PCDH15: variants seen among roughly 807,000 people sequenced by gnomAD.
PCDH15 encodes protocadherin related 15, also known as protocadherin-15.
In PCDH15, 129 loss-of-function variants were observed where a neutral mutation model predicts 178.5. The ratio of observed to expected loss-of-function variants is 0.72; its 90% confidence interval spans 0.63 to 0.84. The LOEUF (loss-of-function observed/expected upper bound fraction) is 0.84, where lower values mean the gene tolerates loss of function less well. PCDH15 is among the 40% of genes least tolerant of loss of function. PCDH15 has a pLI of 0.00. For synonymous variants in PCDH15, 800 were observed against 732.0 expected (o/e 1.09, Z -1.50); for missense variants, 2,230 against 2,099.9 (o/e 1.06, Z -1.21).
chr10:54,861,197 G>A (rs1465054348), intron 3 of PCDH15, among the ~76,000 whole-genome samples: 1 of 151,956 alleles, frequency 6.6e-6, no homozygotes, highest in Admixed American at 6.6e-5. Context: ...CAGAATCAAA[G>A]TAAAGGCAGA....
At chr10:55,564,292 T>C (rs1043881406) in intron 2 of PCDH15, among the ~76,000 whole-genome samples, 3 of 132,808 alleles carry the variant, frequency 2.3e-5, no homozygotes, top group African/African-American at 5.1e-5. Flanking sequence ...TTGTATATTA[T>C]TGAGCTTTTG....
At position 55,128,414 on chromosome 10, in the gene PCDH15, G is replaced by A. The variant is rs1217849190; in HGVS notation, c.-80+38162C>T. On this transcript the variant is annotated intron_variant, in intron 2 of 5. Transcript: ENST00000458638. ...CATAATTAACAGCAGAGTTAACTGA[G>A]ACCTATATGTACTTAATTCTTAGGC... Among the ~76,000 whole-genome samples, 29 of 151,952 alleles carry A rather than the reference G, an allele frequency of 1.9e-4. 1 individual carries two copies. The highest frequency in any genetic ancestry group is 1.9e-3 in the Admixed American group (29 of 15,238).
chr10:54,583,125 A>G (rs986946708), intron 2 of PCDH15, among the ~76,000 whole-genome samples: 3 of 152,060 alleles, frequency 2.0e-5, no homozygotes, highest in Admixed American at 2.0e-4. Flanking sequence ...TAGTTGATAG[A>G]CAGACTATAA....
rs911397795 is a variant in PCDH15, at chr10:54,718,256, TATA to T, written c.-28-53969_-28-53967del. On this transcript the variant is annotated intron_variant, in intron 1 of 37. Coordinates refer to ENST00000644397, the MANE Select transcript of PCDH15 (RefSeq NM_001384140.1). Reference sequence around the variant, plus strand: ...TGCACATGTACCCTAAAACTTGAAGTATAATAATAATAATAATAAAAAGAAAAT... The same window carrying T: ...TGCACATGTACCCTAAAACTTGAAGTATAATAATAATAATAAAAAGAAAAT... 1.3e-4 allele frequency among the ~76,000 whole-genome samples: 20 copies of T among 148,264 alleles called. No homozygotes were observed. The East Asian group carries it at 2.5e-3, about 19-fold the overall frequency.
At chr10:54,674,594 A>G (rs185575652) in intron 1 of PCDH15, among the ~76,000 whole-genome samples, 2 of 152,250 alleles carry the variant, frequency 1.3e-5, no homozygotes, top group East Asian at 1.9e-4. Context: ...GAAATGATCA[A>G]CCTTCTCAAC....
chr10:54,338,070 A>G (rs1941536548), intron 6 of PCDH15, among the ~76,000 whole-genome samples: 1 of 152,238 alleles, frequency 6.6e-6, no homozygotes, highest in Non-Finnish European at 1.5e-5. Context: ...ATGATGCATT[A>G]TGATTACAAT....
chr10:54,309,429 T>C (rs996649264), intron 8 of PCDH15, among the ~76,000 whole-genome samples: 90 of 151,974 alleles, frequency 5.9e-4, no homozygotes, highest in African/African-American at 2.0e-3. Flanking sequence ...TTATTCATAT[T>C]TATATTCAAT....
At chr10:55,564,704 G>C (rs996452235) in intron 2 of PCDH15, among the ~76,000 whole-genome samples, 1 of 151,440 alleles carries the variant, frequency 6.6e-6, no homozygotes, top group African/African-American at 2.4e-5. Flanking sequence ...AGAGTACTGG[G>C]GTGGTTATAT....
At chr10:55,627,134 C>T (rs912294906) in intron 2 of PCDH15, among the ~76,000 whole-genome samples, 1 of 151,102 alleles carries the variant, frequency 6.6e-6, no homozygotes, top group African/African-American at 2.4e-5. Flanking sequence ...AGGATGTAAC[C>T]CCCCACCCCC....
intron 3 of PCDH15, among the ~76,000 whole-genome samples, chr10:54,511,658 C>A (rs2081677089): frequency 6.6e-6 from 1 of 152,088 alleles, no homozygotes; most frequent in South Asian, 2.1e-4. Flanking sequence ...AGTCTTTGAA[C>A]TCCTGGAATT....
intron 23 of PCDH15, among the ~76,000 whole-genome samples, chr10:53,948,705 A>C (rs1334647918): frequency 6.6e-6 from 1 of 152,190 alleles, no homozygotes; most frequent in African/African-American, 2.4e-5. Flanking sequence ...AGTGACTTCC[A>C]TTAAGAGGAT....
intron 6 of PCDH15, among the ~76,000 whole-genome samples, chr10:54,333,023 A>C (rs1482860073): frequency 6.6e-6 from 1 of 152,236 alleles, no homozygotes; most frequent in African/African-American, 2.4e-5. Flanking sequence ...AGCTCACTGC[A>C]ACCTCTGCCT....
intron 8 of PCDH15, among the ~76,000 whole-genome samples, chr10:54,312,434 C>T (rs541597551): frequency 1.3e-5 from 2 of 151,996 alleles, no homozygotes; most frequent in South Asian, 4.2e-4. Context: ...ACTTGGACAC[C>T]CCTCATATAG....
intron 1 of PCDH15, among the ~76,000 whole-genome samples, chr10:54,751,764 T>C (rs550781749): frequency 6.6e-6 from 1 of 152,324 alleles, no homozygotes; most frequent in East Asian, 1.9e-4. Context: ...ATACTAATTC[T>C]CTGTAATACA....
At chr10:54,237,325 G>C (rs2054734808) in intron 8 of PCDH15, among the ~76,000 whole-genome samples, 1 of 151,734 alleles carries the variant, frequency 6.6e-6, no homozygotes, top group South Asian at 2.1e-4. Context: ...TTCTTTCCTT[G>C]CTAAATCATT....
At chr10:55,417,387 C>T (rs1338345704) in intron 2 of PCDH15, among the ~76,000 whole-genome samples, 1 of 151,462 alleles carries the variant, frequency 6.6e-6, no homozygotes, top group African/African-American at 2.4e-5. Context: ...CTTTGAAGTG[C>T]TTAGGACTCA....
At chr10:55,442,471 T>A (rs77110594) in intron 2 of PCDH15, among the ~76,000 whole-genome samples, 2 of 29,380 alleles carry the variant, frequency 6.8e-5, no homozygotes, top group Non-Finnish European at 1.1e-4. Context: ...ATATATATAT[T>A]ATATATATAT....
At chr10:53,849,349 AT>A (rs889441880) in intron 28 of PCDH15, among the ~76,000 whole-genome samples, 5 of 152,032 alleles carry the variant, frequency 3.3e-5, no homozygotes, top group African/African-American at 1.2e-4. Context: ...ATGTATATAT[AT>A]TTTTTCCAAA....
chr10:54,183,923 T>C (rs1259485176), intron 12 of PCDH15, among the ~76,000 whole-genome samples: 2 of 152,156 alleles, frequency 1.3e-5, no homozygotes, highest in Non-Finnish European at 2.9e-5. Flanking sequence ...CCTTAAAAAC[T>C]TAATTGGAAA....
Sources: gnomAD v4.1 joint callset for allele counts (sites outside exome capture counted in the v4.1 genomes callset) on GRCh38, gnomAD v4.1.1 for gene constraint, MANE v1.5 for transcripts, NCBI Gene and HGNC (gene_info 2026-07-23, HGNC 2026-07-21) for gene names.